TBX10: variants seen among roughly 807,000 people sequenced by gnomAD.
TBX10 encodes T-box transcription factor 10, also known as T-box transcription factor TBX10.
In TBX10, 26 loss-of-function variants were observed where a neutral mutation model predicts 32.4. The ratio of observed to expected loss-of-function variants is 0.80; its 90% CI spans 0.59 to 1.11. The LOEUF (loss-of-function observed/expected upper bound fraction) is 1.11. Among genes scored for constraint, TBX10 ranks in the 50% most tolerant of loss-of-function variants. The probability of loss-of-function intolerance (pLI) is 0.00; values close to 1 mark genes in which losing one functional copy is unlikely to be tolerated. For synonymous variants in TBX10, 195 were observed against 203.1 expected (o/e 0.96, Z 0.34); for missense variants, 490 against 494.5 (o/e 0.99, Z 0.09).
At chr11:67,634,118 C>T in intron 4 of TBX10, 71 bp downstream of exon 4, 1 of 1,594,800 alleles carries the variant, frequency 6.3e-7, no homozygotes, top group Non-Finnish European at 8.5e-7. Flanking sequence ...GGCACCAAGG[C>T]CATTGGACAC....
chr11:67,634,947 T>C (rs754482317), intron 2 of TBX10, 30 bp from the exon 3 acceptor site: 4 of 1,612,874 alleles, frequency 2.5e-6, no homozygotes, highest in Non-Finnish European at 3.4e-6. Context: ...AGCAGCCGGA[T>C]GCGGCTCCAA....
chr11:67,641,606 C>T (rs181931058), upstream of TBX10, among the ~76,000 whole-genome samples: 56 of 152,304 alleles, frequency 3.7e-4, no homozygotes, highest in East Asian at 7.9e-3. Flanking sequence ...CAGCCGTGGC[C>T]GCAGGGAAAT....
chr11:67,638,692 C>T (rs1365555503), intron 1 of TBX10, among the ~76,000 whole-genome samples: 6 of 152,194 alleles, frequency 3.9e-5, no homozygotes, highest in Admixed American at 2.0e-4. Context: ...CGTGCAAAGG[C>T]CCTGGGATTT....
chr11:67,641,068 T>C (rs1169035786), upstream of TBX10, among the ~76,000 whole-genome samples: 1 of 151,836 alleles, frequency 6.6e-6, no homozygotes, highest in Admixed American at 6.6e-5. Flanking sequence ...CAGCAGCCCC[T>C]TGAGGCTATA....
At chr11:67,631,963 G>A (rs995300587) in intron 7 of TBX10, 69 bp from the exon 8 acceptor site, 3 of 1,544,606 alleles carry the variant, frequency 1.9e-6, no homozygotes, top group Admixed American at 2.0e-5. Context: ...GGCCTGCCCT[G>A]GTCCCTTCCT....
At chr11:67,639,397 A>ACCCCCCCCCCCCCC in intron 1 of TBX10, 69 bp downstream of exon 1, 3 of 381,858 alleles carry the variant, frequency 7.9e-6, no homozygotes, top group South Asian at 2.5e-5. Context: ...CTTGGTTCCC[A>ACCCCCCCCCCCCCC]CCCTGCCCAC....
chr11:67,632,462 G>C, intron 6 of TBX10, 50 bp from the exon 7 acceptor site: 1 of 1,596,078 alleles, frequency 6.3e-7, no homozygotes. Flanking sequence ...GAAGAACCCA[G>C]GCCAGGGATC....
intron 1 of TBX10, 79 bp from the exon 2 acceptor site, chr11:67,635,342 C>G: frequency 6.3e-7 from 1 of 1,593,594 alleles, no homozygotes; most frequent in Non-Finnish European, 8.5e-7. Context: ...CTATATGCCT[C>G]TTCCTCCAGG....
At chr11:67,637,932 G>A (rs1317860178) in intron 1 of TBX10, among the ~76,000 whole-genome samples, 2 of 152,204 alleles carry the variant, frequency 1.3e-5, no homozygotes, top group Admixed American at 1.3e-4. Flanking sequence ...GGTGGGCCGG[G>A]CGCGGTGGCT....
chr11:67,639,599 A>C lies in TBX10; in HGVS notation c.-127T>G. 7.9e-7 allele frequency: 1 copy of C among 1,270,098 alleles called. No individual in the cohort carries two copies. Among genetic ancestry groups the C allele is most frequent in the Non-Finnish European group, 1.1e-6 (1 of 884,118 alleles). 78.7% of individuals were successfully genotyped at this position (1,270,098 alleles called of 1,614,324 possible). ...CAGCTCAGCCCTCAGGTGCTCACAC[A>C]AGCTGTAGTCTCTCGGCAGGACGGT... On this transcript the variant is annotated 5_prime_UTR_variant, in exon 1 of 8. Transcript: ENST00000335385.
Position 67,639,501 on chromosome 11 carries a change from A to C in TBX10, c.-29T>G. ...GACAGAGAGGCTGTCCGGCTCCTGG[A>C]GAAACACTGCTTGGCTGGGGCTGGG... On this transcript the variant is annotated 5_prime_UTR_variant, in exon 1 of 8. Transcript: ENST00000335385. 1 of 1,604,364 alleles carries C rather than the reference A, an allele frequency of 6.2e-7. No individual in the cohort carries two copies.
intron 4 of TBX10, 115 bp downstream of exon 4, chr11:67,634,074 C>A: frequency 6.6e-7 from 1 of 1,507,014 alleles, no homozygotes; most frequent in Non-Finnish European, 9.1e-7. Context: ...GCTCCCCGCC[C>A]TGCCTTGACC....
chr11:67,639,559 G>T lies in TBX10; in HGVS notation c.-87C>A. On this transcript the variant is annotated 5_prime_UTR_variant, in exon 1 of 8. Coordinates refer to ENST00000335385, the MANE Select transcript of TBX10 (RefSeq NM_005995.5). ...CTGCTGGAAGGGGTGGTCACCACTC[G>T]TCCACTCGGCACCTCAGCTCAGCCC... 1 of 1,571,918 alleles carries T rather than the reference G, an allele frequency of 6.4e-7. No individual in the cohort carries two copies. The highest frequency in any genetic ancestry group is 8.7e-7 in the Non-Finnish European group (1 of 1,147,448).
At chr11:67,633,786 T>A (rs892747881) in intron 4 of TBX10, among the ~76,000 whole-genome samples, 1 of 152,180 alleles carries the variant, frequency 6.6e-6, no homozygotes, top group South Asian at 2.1e-4. Context: ...TTTGTCCCTA[T>A]CTGAGACGCT....
chr11:67,633,662 G>A (rs1427498492), intron 4 of TBX10, among the ~76,000 whole-genome samples: 1 of 152,158 alleles, frequency 6.6e-6, no homozygotes, highest in African/African-American at 2.4e-5. Context: ...CCCCTCTGAC[G>A]GGCATGGGCC....
chr11:67,634,693 T>G (rs1855296406), intron 3 of TBX10, 123 bp downstream of exon 3: 2 of 1,121,838 alleles, frequency 1.8e-6, no homozygotes, highest in Admixed American at 1.8e-5. Context: ...CGTCCTGCCC[T>G]TAGGCTGGAC....
In TBX10 at chr11:67,639,732, G is replaced by A. The variant is rs935902532; in HGVS notation, c.-260C>T. Reference sequence around the variant, plus strand: ...AGATGCAGGCTCTGGGGCGTGCAGCGGCCCTTCTCCAAGCCACTCTCGGGC... The same window carrying A: ...AGATGCAGGCTCTGGGGCGTGCAGCAGCCCTTCTCCAAGCCACTCTCGGGC... On this transcript the variant is annotated 5_prime_UTR_variant, in exon 1 of 8. Coordinates refer to ENST00000335385, the MANE Select transcript of TBX10 (RefSeq NM_005995.5). Among the ~76,000 whole-genome samples the A allele has an allele frequency of 2.0e-5, 3 of 152,178 alleles. No homozygotes were observed. Among genetic ancestry groups the A allele is most frequent in the Non-Finnish European group, 2.9e-5 (2 of 68,014 alleles).
Position 67,631,514 on chromosome 11 carries a change from G to C in TBX10, c.*91C>G. On this transcript the variant is annotated 3_prime_UTR_variant, in exon 8 of 8. Coordinates refer to ENST00000335385, the MANE Select transcript of TBX10 (RefSeq NM_005995.5). ...CACCTACCCTGCTCTCCTTGAGACAGAGATGGGGCTGGAGGGGGCGGGGCA... is the reference window on the plus strand; with the variant it reads ...CACCTACCCTGCTCTCCTTGAGACACAGATGGGGCTGGAGGGGGCGGGGCA... The C allele has an allele frequency of 2.7e-6, 4 of 1,484,834 alleles. No individual in the cohort carries two copies. The highest frequency in any genetic ancestry group is 3.6e-6 in the Non-Finnish European group (4 of 1,101,806). The allele number at this position is 1,484,834 out of a possible 1,614,324, so 92.0% of individuals were successfully genotyped here.
At position 67,639,530 on chromosome 11, in the gene TBX10, C is replaced by T; in HGVS notation, c.-58G>A. ...ACACTGCTTGGCTGGGGCTGGGAACCTGCCTGCTGGAAGGGGTGGTCACCA... is the reference window on the plus strand; with the variant it reads ...ACACTGCTTGGCTGGGGCTGGGAACTTGCCTGCTGGAAGGGGTGGTCACCA... On this transcript the variant is annotated 5_prime_UTR_variant, in exon 1 of 8. Coordinates refer to ENST00000335385, the MANE Select transcript of TBX10 (RefSeq NM_005995.5). 6.2e-7 allele frequency: 1 copy of T among 1,611,340 alleles called. No homozygotes were observed. The highest frequency in any genetic ancestry group is 8.5e-7 in the Non-Finnish European group (1 of 1,179,030).
Sources: allele counts gnomAD v4.1 joint callset (sites outside exome capture counted in the v4.1 genomes callset), GRCh38; gene constraint gnomAD v4.1.1; transcripts MANE v1.5; gene names NCBI Gene and HGNC (gene_info 2026-07-23, HGNC 2026-07-21).